Variants in SULF2 observed in about 807,000 individuals in gnomAD.
The protein encoded by SULF2 is extracellular sulfatase Sulf-2.
A neutral mutation model predicts 107.7 loss-of-function variants in SULF2; 52 were observed. The ratio of observed to expected loss-of-function variants is 0.48; its 90% CI spans 0.39 to 0.61. The LOEUF (loss-of-function observed/expected upper bound fraction) is 0.61, where lower values mean the gene tolerates loss of function less well. Ranked by LOEUF, SULF2 falls within the 20% of genes least tolerant of loss-of-function variation. The pLI, the probability that SULF2 is intolerant of heterozygous loss-of-function variation, is 0.00. For missense variants in SULF2, 993 were observed against 1,177.3 expected (o/e 0.84, Z 2.29); for synonymous variants, 460 against 464.3 (o/e 0.99, Z 0.12).
rs567394375 is a variant in SULF2 at position 47,673,472 on chromosome 20, T to A, written c.1381-1079A>T. Among the ~76,000 whole-genome samples, 8 of 152,244 alleles carry A rather than the reference T, an allele frequency of 5.3e-5. No individual in the cohort carries two copies. In the East Asian group the frequency reaches 1.5e-3, roughly 29 times the overall value. The stretch of plus-strand genomic sequence containing the variant: ...GGTGCAAGAGCTGTAAGGAAAAGTG[T>A]GGAGTCTGGTGCCACCATCCCCCCC... On this transcript the variant is annotated intron_variant, in intron 10 of 20. Coordinates refer to ENST00000688720, the MANE Select transcript of SULF2 (RefSeq NM_001387048.1).
At chr20:47,659,324 T>G (rs970390590) in intron 20 of SULF2, 75 bp downstream of exon 20, 12 of 1,354,094 alleles carry the variant, frequency 8.9e-6, no homozygotes, top group Non-Finnish European at 1.3e-5. Flanking sequence ...AGAAATGGCA[T>G]GCAAATAGAA....
At chr20:47,659,785 A>G (rs1602568958) in intron 18 of SULF2, 55 bp from the exon 19 acceptor site, 1 of 1,334,100 alleles carries the variant, frequency 7.5e-7, no homozygotes, top group Non-Finnish European at 1.1e-6. Flanking sequence ...AGGCAAAACA[A>G]CCCCAACACA....
rs935690545 is a variant in SULF2 at position 47,678,471 on chromosome 20, G to A, written c.1193+205C>T. 8.1e-6 allele frequency: 5 copies of A among 616,134 alleles called. No homozygotes were observed. Among genetic ancestry groups the A allele is most frequent in the African/African-American group, 7.2e-5 (4 of 55,246 alleles). The allele number at this position is 616,134 out of a possible 1,614,324, so 38.2% of individuals were successfully genotyped here. A position where few individuals can be genotyped will look rare whatever the true frequency, so the allele number is the denominator to read the frequency against. ...GAGAAGGTCCCCAACTGGTCACCTT[G>A]GCCACATTCCAGATGGGAAGACAGA... is the stretch of plus-strand genomic sequence containing the variant. On this transcript the variant is annotated intron_variant, in intron 8 of 20. Transcript: ENST00000688720. The surrounding 1 kb of genome is among the most constrained non-coding windows in gnomAD (Gnocchi z 4.5).
rs1433644412 is a variant in SULF2, at chr20:47,666,387, G to A, written c.1678C>T (p.Arg560Ter). The A allele has an allele frequency of 3.7e-6, 6 of 1,614,054 alleles. No individual in the cohort carries two copies. Among genetic ancestry groups the A allele is most frequent in the African/African-American group, 2.7e-5 (2 of 75,056 alleles). Residue 560 changes from arginine (R) to a stop codon, truncating the protein, a stop_gained, in exon 12 of 21, where the codon CGA (arginine) becomes TGA (stop). Coordinates refer to ENST00000688720, the MANE Select transcript of SULF2 (RefSeq NM_001387048.1). LOFTEE classifies it high-confidence loss of function. This position sits in a 1 kb window ranked among gnomAD's most constrained non-coding sequence, Gnocchi z 5.4. Reference protein sequence around the residue: ...HVGLGDAAQPRNLTKRHWPGA... With the variant: ...HVGLGDAAQP ...GGCCAGTGCCGCTTGGTGAGGTTTCGGGGCTGGGCGGCATCACCCAGGCCT... is the reference window on the plus strand; with the variant it reads ...GGCCAGTGCCGCTTGGTGAGGTTTCAGGGCTGGGCGGCATCACCCAGGCCT...
At position 47,665,960 on chromosome 20, in the gene SULF2, G is replaced by T; in HGVS notation, c.1806-7C>A. ...GTTCTCTAGGATGTAGCACCTGCTT[G>T]AGAGAAGGGATCACGTGTGGCTCGG... On this transcript the variant is annotated splice_polypyrimidine_tract_variant and splice_region_variant and intron_variant, in intron 12 of 20. Transcript: ENST00000688720. 6.2e-7 allele frequency: 1 copy of T among 1,613,376 alleles called. No homozygotes were observed. The highest frequency in any genetic ancestry group is 1.1e-5 in the South Asian group (1 of 91,056).
chr20:47,699,838 A>G (rs2088503759), intron 4 of SULF2, among the ~76,000 whole-genome samples: 1 of 152,204 alleles, frequency 6.6e-6, no homozygotes, highest in Admixed American at 6.5e-5. Context: ...CCACAGTTCT[A>G]CCTGGGCCTG....
intron 4 of SULF2, among the ~76,000 whole-genome samples, chr20:47,690,612 C>T (rs534856570): frequency 6.6e-6 from 1 of 152,294 alleles, no homozygotes; most frequent in African/African-American, 2.4e-5. Flanking sequence ...ATGGCTCACA[C>T]CTGTGATCCC....
At chr20:47,734,025 G>A (rs62201702) in intron 3 of SULF2, among the ~76,000 whole-genome samples, 38,613 of 151,940 alleles carry the variant, frequency 0.25, 6,903 homozygotes, top group African/African-American at 0.52. Context: ...TTCAGTATCC[G>A]TTTTCTTCTT....
chr20:47,726,695 G>C (rs2089452498), intron 3 of SULF2, among the ~76,000 whole-genome samples: 2 of 152,216 alleles, frequency 1.3e-5, no homozygotes, highest in South Asian at 4.1e-4. Context: ...CAACGGTACT[G>C]GGCCATTTGG....
intron 13 of SULF2, among the ~76,000 whole-genome samples, 186 bp from the exon 14 acceptor site, chr20:47,665,479 C>T (rs1026377294): frequency 2.6e-5 from 4 of 152,194 alleles, no homozygotes; most frequent in Admixed American, 2.0e-4. Context: ...GAAGGAAGCC[C>T]GCCTTCTCCT....
At chr20:47,742,724 T>TTA (rs1175245957) in intron 2 of SULF2, among the ~76,000 whole-genome samples, 1 of 151,958 alleles carries the variant, frequency 6.6e-6, no homozygotes, top group Admixed American at 6.6e-5. Flanking sequence ...AAGGTGTGAG[T>TTA]TATATATATA....
intron 2 of SULF2, among the ~76,000 whole-genome samples, chr20:47,748,238 C>T (rs1289568908): frequency 6.6e-6 from 1 of 152,224 alleles, no homozygotes; most frequent in African/African-American, 2.4e-5. Flanking sequence ...CCTCCAACGT[C>T]CTGGGAAACC....
At chr20:47,661,574 G>C (rs116852268) in intron 18 of SULF2, 199 bp downstream of exon 18, 1 of 427,804 alleles carries the variant, frequency 2.3e-6, no homozygotes, top group Admixed American at 4.3e-5. Flanking sequence ...GTTGGTGCAG[G>C]TGTTCCTCTC....
chr20:47,713,723 C>G (rs1168748254), intron 3 of SULF2, among the ~76,000 whole-genome samples: 1 of 150,918 alleles, frequency 6.6e-6, no homozygotes, highest in African/African-American at 2.4e-5. Flanking sequence ...GCACTCCAGC[C>G]TGGGCAACGG....
chr20:47,716,774 T>C (rs1051177333), intron 3 of SULF2, among the ~76,000 whole-genome samples: 1 of 151,964 alleles, frequency 6.6e-6, no homozygotes, highest in Non-Finnish European at 1.5e-5. Flanking sequence ...GGCAGGAGGA[T>C]TGCTTGAAGC....
chr20:47,726,029 G>A (rs531032074), intron 3 of SULF2, among the ~76,000 whole-genome samples: 16 of 152,216 alleles, frequency 1.1e-4, no homozygotes, highest in African/African-American at 3.9e-4. Flanking sequence ...TCAAGGTACT[G>A]GGAGCATAAG....
intron 2 of SULF2, among the ~76,000 whole-genome samples, chr20:47,744,885 C>T (rs955663218): frequency 1.3e-5 from 2 of 152,164 alleles, no homozygotes; most frequent in African/African-American, 4.8e-5. Context: ...TCCTCTCTTA[C>T]CTGTTTTGTT....
chr20:47,687,867 C>G (rs1233057781), intron 5 of SULF2, among the ~76,000 whole-genome samples: 3 of 152,068 alleles, frequency 2.0e-5, no homozygotes, highest in Admixed American at 2.0e-4. Flanking sequence ...ACCACCACCC[C>G]TGGCTGATTT....
At chr20:47,663,034 C>T (rs547165760) in intron 17 of SULF2, 36 bp downstream of exon 17, 3 of 1,613,386 alleles carry the variant, frequency 1.9e-6, no homozygotes, top group African/African-American at 1.3e-5. Context: ...CTGGTGTACC[C>T]CACACCCCCA....
Sources: allele counts gnomAD v4.1 joint callset (sites outside exome capture counted in the v4.1 genomes callset), GRCh38; gene constraint gnomAD v4.1.1; non-coding constraint Gnocchi (gnomAD v3.1); transcripts MANE v1.5; gene names NCBI Gene and HGNC (gene_info 2026-07-23, HGNC 2026-07-21).